The following ASCC3 variants were observed in gnomAD, a reference collection of about 807,000 sequenced individuals.
ASCC3 encodes activating signal cointegrator 1 complex subunit 3.
In ASCC3, 158 loss-of-function variants were observed where a neutral mutation model predicts 256.3. The ratio of observed to expected loss-of-function variants is 0.62; its 90% CI spans 0.54 to 0.70. The LOEUF (loss-of-function observed/expected upper bound fraction) is 0.70, where lower values mean the gene tolerates loss of function less well. Ranked by LOEUF, ASCC3 falls within the 30% of genes least tolerant of loss-of-function variation. The pLI, the probability that ASCC3 is intolerant of heterozygous loss-of-function variation, is 0.00. For missense variants in ASCC3, 2,259 were observed against 2,626.0 expected (o/e 0.86, Z 3.05); for synonymous variants, 948 against 883.4 (o/e 1.07, Z -1.30).
Position 100,863,956 on chromosome 6 carries a change from G to A in ASCC3, c.241+108C>T, listed in dbSNP as rs73506952. On this transcript the variant is annotated intron_variant, in intron 3 of 41. Transcript: ENST00000369162. ...CTTTCATAATTATGAATACTTAGAT[G>A]CCAGGAAATTTTAGCTTTCCTTTAC... The A allele has an allele frequency of 3.0e-4, 317 of 1,039,484 alleles. No individual in the cohort carries two copies. In the African/African-American group the frequency reaches 4.7e-3, roughly 15 times the overall value. 64.4% of individuals were successfully genotyped at this position (1,039,484 alleles called of 1,614,324 possible).
intron 30 of ASCC3, among the ~76,000 whole-genome samples, chr6:100,607,829 T>C (rs1373256494): frequency 6.6e-6 from 1 of 151,384 alleles, no homozygotes; most frequent in Non-Finnish European, 1.5e-5. Context: ...AAAATCAAAC[T>C]GGTGTATTTT....
At chr6:100,858,504 T>C (rs1480308362) in intron 3 of ASCC3, 3 of 860,268 alleles carry the variant, frequency 3.5e-6, no homozygotes, top group Non-Finnish European at 2.8e-6. Flanking sequence ...CCTAGTTTGC[T>C]GAGATTTTTT....
chr6:100,814,159 A>C (rs1770626614), intron 4 of ASCC3, among the ~76,000 whole-genome samples: 1 of 152,154 alleles, frequency 6.6e-6, no homozygotes, highest in Non-Finnish European at 1.5e-5. Flanking sequence ...CAGGAGGTTA[A>C]ATTTCATCAA....
intron 1 of ASCC3, among the ~76,000 whole-genome samples, chr6:100,875,885 C>T (rs1773980110): frequency 6.6e-6 from 1 of 151,998 alleles, no homozygotes; most frequent in Admixed American, 6.6e-5. Context: ...ACAAAAAACC[C>T]TACAAATGGG....
chr6:100,759,665 T>TA (rs1781342378), intron 10 of ASCC3, among the ~76,000 whole-genome samples: 1 of 152,218 alleles, frequency 6.6e-6, no homozygotes. Flanking sequence ...ATATGAAACT[T>TA]AAAGTAGCTT....
intron 3 of ASCC3, among the ~76,000 whole-genome samples, chr6:100,854,681 A>G (rs1772852689): frequency 6.6e-6 from 1 of 152,194 alleles, no homozygotes; most frequent in Non-Finnish European, 1.5e-5. Flanking sequence ...CAGCCACTAT[A>G]TTACCTTTCC....
intron 10 of ASCC3, among the ~76,000 whole-genome samples, chr6:100,735,479 C>T (rs1439712750): frequency 6.6e-6 from 1 of 150,720 alleles, no homozygotes; most frequent in Non-Finnish European, 1.5e-5. Context: ...TGAAACTTTG[C>T]ATTTTTCCCT....
chr6:100,528,899 C>T (rs1774727007), intron 37 of ASCC3, among the ~76,000 whole-genome samples: 1 of 152,156 alleles, frequency 6.6e-6, no homozygotes, highest in Non-Finnish European at 1.5e-5. Flanking sequence ...CATTCTTCCT[C>T]AATAGTAAAG....
chr6:100,652,921 G>C (rs41288411), intron 17 of ASCC3, 32 bp from the exon 18 acceptor site: 33,857 of 1,591,782 alleles, frequency 0.021, 448 homozygotes, highest in African/African-American at 0.055. Context: ...CAGTTGAATA[G>C]TGCTTTAGAG....
chr6:100,825,895 G>A (rs1335451902), intron 4 of ASCC3, among the ~76,000 whole-genome samples: 4 of 150,818 alleles, frequency 2.7e-5, no homozygotes, highest in East Asian at 2.0e-4. Context: ...TGATTGACTC[G>A]GCTATTGATA....
At chr6:100,831,271 A>C (rs1012614290) in intron 4 of ASCC3, among the ~76,000 whole-genome samples, 8 of 151,960 alleles carry the variant, frequency 5.3e-5, no homozygotes, top group Non-Finnish European at 8.8e-5. Context: ...GGTATTATCA[A>C]TTAAAATGAT....
intron 11 of ASCC3, among the ~76,000 whole-genome samples, chr6:100,723,565 G>A (rs1779446313): frequency 6.6e-6 from 1 of 151,296 alleles, no homozygotes; most frequent in African/African-American, 2.4e-5. Flanking sequence ...GTCACTTATT[G>A]TACCTACTTC....
chr6:100,655,344 A>G (rs1449388250), intron 17 of ASCC3, among the ~76,000 whole-genome samples: 1 of 151,858 alleles, frequency 6.6e-6, no homozygotes, highest in East Asian at 1.9e-4. Flanking sequence ...ATATAACCTA[A>G]GCTGATTATC....
chr6:100,848,543 G>T lies in ASCC3; in HGVS notation c.406C>A (p.Arg136=), dbSNP rs377618341. Residue 136 remains arginine, a synonymous_variant, in exon 4 of 42, where the codon CGA becomes AGA. Coordinates refer to ENST00000369162, the MANE Select transcript of ASCC3 (RefSeq NM_006828.4). ...TCTTGACTAAAATGAGAAATAATTCGATTAGTAGCATTACAAGCTGCAGTG... is the reference window on the plus strand; with the variant it reads ...TCTTGACTAAAATGAGAAATAATTCTATTAGTAGCATTACAAGCTGCAGTG... ...SATAACNATN[R]IISHFSQDDL... The T allele has an allele frequency of 7.4e-6, 12 of 1,613,902 alleles. No homozygotes were observed. The highest frequency in any genetic ancestry group is 2.7e-5 in the African/African-American group (2 of 74,870).
chr6:100,754,390 T>C (rs1781079407), intron 10 of ASCC3, among the ~76,000 whole-genome samples: 1 of 152,156 alleles, frequency 6.6e-6, no homozygotes, highest in Admixed American at 6.6e-5. Flanking sequence ...ACATGAGATG[T>C]TTTGATACAG....
intron 36 of ASCC3, among the ~76,000 whole-genome samples, chr6:100,559,833 G>C (rs1028890777): frequency 7.1e-6 from 1 of 140,554 alleles, no homozygotes; most frequent in East Asian, 2.0e-4. Context: ...CTGGGTCACA[G>C]AGCTAGACTC....
intron 37 of ASCC3, among the ~76,000 whole-genome samples, chr6:100,539,438 A>G (rs1315653872): frequency 3.3e-5 from 5 of 152,208 alleles, no homozygotes; most frequent in Non-Finnish European, 7.4e-5. Flanking sequence ...AAGAAGATAT[A>G]TAAATCTAGT....
intron 13 of ASCC3, among the ~76,000 whole-genome samples, chr6:100,690,018 T>G (rs1183199173): frequency 6.6e-6 from 1 of 152,126 alleles, no homozygotes; most frequent in Non-Finnish European, 1.5e-5. Flanking sequence ...CTAAGCTACC[T>G]ACATTAAAAA....
At chr6:100,810,795 C>T (rs920444859) in intron 4 of ASCC3, among the ~76,000 whole-genome samples, 1 of 152,034 alleles carries the variant, frequency 6.6e-6, no homozygotes, top group South Asian at 2.1e-4. Context: ...CACTTTAAGG[C>T]CCTCCTACAA....
Sources: allele counts gnomAD v4.1 joint callset (sites outside exome capture counted in the v4.1 genomes callset), GRCh38; gene constraint gnomAD v4.1.1; transcripts MANE v1.5; gene names NCBI Gene and HGNC (gene_info 2026-07-23, HGNC 2026-07-21).